Variants in AKAP6 observed in about 807,000 individuals in gnomAD.
AKAP6 encodes the protein A-kinase anchor protein 6.
AKAP6 carries 58 observed loss-of-function variants against 188.5 expected under a neutral mutation model. The observed-to-expected ratio is 0.31, with a 90% CI of 0.25 to 0.38. AKAP6 has a LOEUF of 0.38. Ranked by LOEUF, AKAP6 falls within the 10% of genes least tolerant of loss-of-function variation. The pLI, the probability that AKAP6 is intolerant of heterozygous loss-of-function variation, is 1.00. For missense variants in AKAP6, 2,710 were observed against 2,740.0 expected (o/e 0.99, Z 0.24); for synonymous variants, 989 against 998.6 (o/e 0.99, Z 0.18).
chr14:32,719,632 G>A (rs932682132), intron 9 of AKAP6, among the ~76,000 whole-genome samples: 1 of 152,068 alleles, frequency 6.6e-6, no homozygotes, highest in Non-Finnish European at 1.5e-5. Flanking sequence ...GAGCATCTTG[G>A]CAACTGCTTT....
Position 32,462,979 on chromosome 14 carries a change from TTA to T in AKAP6, c.324+29163_324+29164del, listed in dbSNP as rs1491136328. Among the ~76,000 whole-genome samples, 6 of 40,900 alleles carry T rather than the reference TTA, an allele frequency of 1.5e-4. No homozygotes were observed. The East Asian group carries it at 1.7e-3, about 12-fold the overall frequency. The allele number at this position is 40,900 out of a possible 152,430, so 26.8% of individuals were successfully genotyped here. On this transcript the variant is annotated intron_variant, in intron 2 of 13. Transcript: ENST00000280979. ...AAAACAGTCTTTAAGCCAACAAAGATTAAAAAAAAAAAAAAAGACAAAGAAAG... is the reference window on the plus strand; with the variant it reads ...AAAACAGTCTTTAAGCCAACAAAGATAAAAAAAAAAAAAAGACAAAGAAAG...
intron 2 of AKAP6, among the ~76,000 whole-genome samples, chr14:32,456,990 T>G (rs1031394412): frequency 2.6e-5 from 4 of 152,214 alleles, no homozygotes; most frequent in African/African-American, 9.7e-5. Flanking sequence ...AGCCAAGATG[T>G]AACTTCATAG....
At chr14:32,396,938 C>T (rs1378057948) in intron 1 of AKAP6, among the ~76,000 whole-genome samples, 1 of 152,098 alleles carries the variant, frequency 6.6e-6, no homozygotes, top group African/African-American at 2.4e-5. Flanking sequence ...TATTAACAAA[C>T]AAACAGACAA....
At chr14:32,649,112 AT>A (rs1178405740) in intron 7 of AKAP6, among the ~76,000 whole-genome samples, 2 of 152,136 alleles carry the variant, frequency 1.3e-5, no homozygotes, top group African/African-American at 4.8e-5. Flanking sequence ...ATTCAATCTA[AT>A]TTAATTCTCT....
At chr14:32,356,586 G>T (rs1434755730) in intron 1 of AKAP6, among the ~76,000 whole-genome samples, 4 of 152,058 alleles carry the variant, frequency 2.6e-5, no homozygotes. Flanking sequence ...CCTTACATGG[G>T]AATCTTCAAT....
chr14:32,628,596 A>AT (rs1015384617), intron 7 of AKAP6, among the ~76,000 whole-genome samples: 52 of 151,902 alleles, frequency 3.4e-4, no homozygotes, highest in Middle Eastern at 3.4e-3. Context: ...CTTTATTTTT[A>AT]TTTTTTTTAA....
At position 32,552,980 on chromosome 14, in the gene AKAP6, T is replaced by C. The variant is rs530419159; in HGVS notation, c.2346+5981T>C. Among the ~76,000 whole-genome samples, 13 of 152,052 alleles carry C rather than the reference T, an allele frequency of 8.5e-5. No individual in the cohort carries two copies. In the South Asian group the frequency reaches 2.5e-3, roughly 29 times the overall value. ...GCAGAGTCCTCCACTCTGTCTTCTC[T>C]GAGTCACACAGAGCAGAAGGCAGGA... On this transcript the variant is annotated intron_variant, in intron 4 of 13. Coordinates refer to ENST00000280979, the MANE Select transcript of AKAP6 (RefSeq NM_004274.5).
At chr14:32,773,585 T>A in intron 11 of AKAP6, 93 bp from the exon 12 acceptor site, 10 of 1,230,000 alleles carry the variant, frequency 8.1e-6, no homozygotes, top group Non-Finnish European at 1.1e-5. Context: ...AGTGTATCAC[T>A]ACAATTTGAA....
chr14:32,606,850 G>A (rs1345441731), intron 7 of AKAP6, among the ~76,000 whole-genome samples: 1 of 152,134 alleles, frequency 6.6e-6, no homozygotes, highest in Admixed American at 6.5e-5. Flanking sequence ...GGATATTCCT[G>A]ATATATGTTT....
intron 2 of AKAP6, among the ~76,000 whole-genome samples, chr14:32,450,632 T>C (rs1245228356): frequency 1.3e-5 from 2 of 152,200 alleles, no homozygotes; most frequent in East Asian, 3.8e-4. Flanking sequence ...TTTCTCAGGA[T>C]TAATGATACT....
At chr14:32,595,836 C>T (rs1390973952) in intron 5 of AKAP6, among the ~76,000 whole-genome samples, 1 of 152,104 alleles carries the variant, frequency 6.6e-6, no homozygotes, top group African/African-American at 2.4e-5. Context: ...TACGCTGGGT[C>T]TTATAAAGCT....
rs1387155041 is a variant in AKAP6 at position 32,832,550 on chromosome 14, T to C, written c.*2745T>C. ...CCTTTTCAGGTTGGAAGAAGAAAAA[T>C]AGCCTCAATCTCCCACCCCATGTAG... is the stretch of plus-strand genomic sequence containing the variant. On this transcript the variant is annotated 3_prime_UTR_variant, in exon 14 of 14. Transcript: ENST00000280979. 6.6e-6 allele frequency: 1 copy of C among 152,096 alleles called. No individual in the cohort carries two copies. The highest frequency in any genetic ancestry group is 1.5e-5 in the Non-Finnish European group (1 of 68,014). 9.4% of individuals were successfully genotyped at this position (152,096 alleles called of 1,614,324 possible). A position where few individuals can be genotyped will look rare whatever the true frequency, so the allele number is the denominator to read the frequency against.
chr14:32,636,259 T>C (rs2077689016), intron 7 of AKAP6, among the ~76,000 whole-genome samples: 1 of 152,148 alleles, frequency 6.6e-6, no homozygotes, highest in Admixed American at 6.6e-5. Flanking sequence ...AAGCAAATGA[T>C]GTCTGTTTTA....
At chr14:32,539,963 A>G (rs41438249) in intron 3 of AKAP6, among the ~76,000 whole-genome samples, 43,033 of 151,620 alleles carry the variant, frequency 0.28, 7,465 homozygotes, top group Non-Finnish European at 0.4. Flanking sequence ...TCTCTAAGTT[A>G]CGAATGTTAG....
intron 7 of AKAP6, among the ~76,000 whole-genome samples, chr14:32,629,155 A>C (rs568355720): frequency 1.4e-4 from 21 of 152,080 alleles, no homozygotes; most frequent in Non-Finnish European, 2.1e-4. Context: ...AAAATCGTCC[A>C]TACCTAAAAC....
chr14:32,459,272 T>C (rs1891244702), intron 2 of AKAP6, among the ~76,000 whole-genome samples: 1 of 148,712 alleles, frequency 6.7e-6, no homozygotes, highest in African/African-American at 2.4e-5. Flanking sequence ...GGGCATGAGA[T>C]AACTTTTTGG....
At chr14:32,812,290 T>C (rs189351467) in intron 12 of AKAP6, among the ~76,000 whole-genome samples, 3 of 152,338 alleles carry the variant, frequency 2.0e-5, no homozygotes, top group African/African-American at 7.2e-5. Context: ...ATTGATGTTA[T>C]TTTTCTCTTG....
At chr14:32,464,461 A>C (rs566315574) in intron 2 of AKAP6, among the ~76,000 whole-genome samples, 1 of 152,330 alleles carries the variant, frequency 6.6e-6, no homozygotes, top group South Asian at 2.1e-4. Context: ...CAATAAATGT[A>C]ATCCATCACA....
At chr14:32,571,378 A>G (rs1884480201) in intron 4 of AKAP6, among the ~76,000 whole-genome samples, 1 of 152,074 alleles carries the variant, frequency 6.6e-6, no homozygotes, top group Admixed American at 6.6e-5. Flanking sequence ...AAAAATAAAA[A>G]AATTATCTGG....
Sources: allele counts gnomAD v4.1 joint callset (sites outside exome capture counted in the v4.1 genomes callset), GRCh38; gene constraint gnomAD v4.1.1; transcripts MANE v1.5; gene names NCBI Gene and HGNC (gene_info 2026-07-23, HGNC 2026-07-21).